Variants in DLGAP4 observed in about 807,000 individuals in gnomAD.
DLGAP4 encodes the protein disks large-associated protein 4.
A neutral mutation model predicts 86.9 loss-of-function variants in DLGAP4; 18 were observed. The ratio of observed to expected loss-of-function variants is 0.21; its 90% CI spans 0.14 to 0.31. The LOEUF is 0.31. DLGAP4 is among the 10% of genes least tolerant of loss of function. DLGAP4 has a pLI of 1.00. For synonymous variants in DLGAP4, 548 were observed against 574.3 expected, an observed-to-expected ratio of 0.95 and a Z score of 0.65; for missense variants, 1,085 against 1,362.6, an observed-to-expected ratio of 0.80 and a Z score of 3.21.
intron 7 of DLGAP4, among the ~76,000 whole-genome samples, chr20:36,489,613 A>G (rs2035569602): frequency 6.6e-6 from 1 of 151,936 alleles, no homozygotes; most frequent in African/African-American, 2.4e-5. Context: ...AAACAGTGAC[A>G]TGATTGGATT....
rs985264042 is a variant in DLGAP4 at position 36,505,851 on chromosome 20, C to T, written c.2512+5240C>T. 6.6e-5 allele frequency among the ~76,000 whole-genome samples: 10 copies of T among 152,168 alleles called. No individual in the cohort carries two copies. In the East Asian group the frequency reaches 1.9e-3, roughly 29 times the overall value. On this transcript the variant is annotated intron_variant, in intron 10 of 12. Transcript: ENST00000339266. Reference sequence around the variant, plus strand: ...AGCAGAAGTGGATCGTCATAAAGGTCTTCCTCCTTGTCTCCACATTGAGTA... The same window carrying T: ...AGCAGAAGTGGATCGTCATAAAGGTTTTCCTCCTTGTCTCCACATTGAGTA...
Position 36,430,498 on chromosome 20 carries a change from G to T in DLGAP4, c.-72-1148G>T, listed in dbSNP as rs1488539680. Among the ~76,000 whole-genome samples, 4 of 152,118 alleles carry T rather than the reference G, an allele frequency of 2.6e-5. No homozygotes were observed. In the East Asian group the frequency reaches 7.7e-4, roughly 29 times the overall value. On this transcript the variant is annotated intron_variant, in intron 2 of 12. Coordinates refer to ENST00000339266, the MANE Select transcript of DLGAP4 (RefSeq NM_001365621.2). Reference sequence around the variant, plus strand: ...CTGCCCTCAGACCTGGATGAGATGGGCCCTTGCCCTAGGTCCTTCTTTTTG... The same window carrying T: ...CTGCCCTCAGACCTGGATGAGATGGTCCCTTGCCCTAGGTCCTTCTTTTTG...
At chr20:36,513,875 TGG>T (rs2036878861) in intron 10 of DLGAP4, among the ~76,000 whole-genome samples, 1 of 152,160 alleles carries the variant, frequency 6.6e-6, no homozygotes, top group Non-Finnish European at 1.5e-5. Context: ...GTCAGGAGTT[TGG>T]TTTGGAACAT....
intron 7 of DLGAP4, chr20:36,461,992 A>G: frequency 1.0e-6 from 1 of 984,408 alleles, no homozygotes; most frequent in Non-Finnish European, 1.2e-6. Context: ...GAGCGCCCCC[A>G]GATCTTTTGG....
At chr20:36,422,393 A>G (rs2032854977) in intron 2 of DLGAP4, among the ~76,000 whole-genome samples, 1 of 152,170 alleles carries the variant, frequency 6.6e-6, no homozygotes, top group African/African-American at 2.4e-5. Context: ...CAAATATACA[A>G]GATATGAGTG....
At chr20:36,405,531 C>T (rs35042366) in intron 2 of DLGAP4, among the ~76,000 whole-genome samples, 6,559 of 152,082 alleles carry the variant, frequency 0.043, 452 homozygotes, top group African/African-American at 0.15. Context: ...TGGGGCGCCT[C>T]GGTGGGAGGG....
intron 10 of DLGAP4, among the ~76,000 whole-genome samples, chr20:36,505,044 G>A (rs1403386330): frequency 6.6e-6 from 1 of 150,760 alleles, no homozygotes; most frequent in Non-Finnish European, 1.5e-5. Flanking sequence ...CTGGAGTGCC[G>A]TGACGTGATC....
intron 1 of DLGAP4, among the ~76,000 whole-genome samples, chr20:36,352,710 G>A (rs150024445): frequency 8.6e-4 from 131 of 152,246 alleles, no homozygotes; most frequent in Non-Finnish European, 1.6e-3. Flanking sequence ...AGGCCCAGCA[G>A]GCAGTGCTGC....
intron 10 of DLGAP4, 97 bp from the exon 11 acceptor site, chr20:36,524,153 A>AC: frequency 2.2e-6 from 2 of 907,722 alleles, no homozygotes; most frequent in Non-Finnish European, 3.7e-6. Context: ...AATGAGTTCT[A>AC]CCCTAAGGGA....
intron 1 of DLGAP4, among the ~76,000 whole-genome samples, chr20:36,346,549 A>G (rs1324792014): frequency 6.6e-6 from 1 of 152,086 alleles, no homozygotes; most frequent in East Asian, 1.9e-4. Flanking sequence ...GGCAGGAAAA[A>G]CAGGTTGTGC....
At chr20:36,399,722 G>A (rs1385401530) in intron 2 of DLGAP4, among the ~76,000 whole-genome samples, 1 of 152,192 alleles carries the variant, frequency 6.6e-6, no homozygotes, top group African/African-American at 2.4e-5. Flanking sequence ...AATTCCAGTG[G>A]GTTGCATAGA....
intron 1 of DLGAP4, among the ~76,000 whole-genome samples, chr20:36,309,867 G>A (rs2065037214): frequency 6.6e-6 from 1 of 152,252 alleles, no homozygotes; most frequent in Non-Finnish European, 1.5e-5. Context: ...AGTCAAACCT[G>A]TGAGGACCCC....
chr20:36,463,547 C>T (rs2034197752), intron 7 of DLGAP4, among the ~76,000 whole-genome samples: 1 of 152,214 alleles, frequency 6.6e-6, no homozygotes, highest in African/African-American at 2.4e-5. Flanking sequence ...AGGGAGACGG[C>T]TGTTTCTTAA....
At chr20:36,482,331 G>A (rs971080684) in intron 7 of DLGAP4, among the ~76,000 whole-genome samples, 2 of 152,194 alleles carry the variant, frequency 1.3e-5, no homozygotes, top group Non-Finnish European at 2.9e-5. Context: ...ATGACAGTTG[G>A]TGAAAGCCGG....
intron 1 of DLGAP4, among the ~76,000 whole-genome samples, chr20:36,315,368 G>A (rs1349074378): frequency 6.6e-6 from 1 of 151,964 alleles, no homozygotes; most frequent in Admixed American, 6.6e-5. Context: ...GGGACAGCAC[G>A]GAGAGCCATG....
chr20:36,427,974 C>A (rs956813581), intron 2 of DLGAP4, among the ~76,000 whole-genome samples: 6 of 151,962 alleles, frequency 3.9e-5, no homozygotes, highest in Non-Finnish European at 7.4e-5. Context: ...GGAAAAAAAA[C>A]TGGAAAAATA....
Position 36,527,025 on chromosome 20 carries a change from G to A in DLGAP4, c.2973G>A (p.Arg991=), listed in dbSNP as rs1362046070. ...IEIYVPEAQT[R]L is the part of the protein sequence containing the mutation. ...TTTATGTCCCGGAGGCCCAGACCAG[G>A]CTCTGAGACCATGCAGGAGGAAAGA... Residue 991 remains arginine (R), a synonymous_variant, in exon 13 of 13, where the codon AGG becomes AGA. Coordinates refer to ENST00000339266, the MANE Select transcript of DLGAP4 (RefSeq NM_001365621.2). 5.7e-6 allele frequency: 9 copies of A among 1,591,544 alleles called. No homozygotes were observed. The highest frequency in any genetic ancestry group is 7.7e-6 in the Non-Finnish European group (9 of 1,169,196).
intron 1 of DLGAP4, among the ~76,000 whole-genome samples, chr20:36,315,030 A>AT (rs2065084413): frequency 3.2e-4 from 3 of 9,518 alleles, no homozygotes; most frequent in East Asian, 6.0e-3. Context: ...GTGGTGTGAG[A>AT]TGTGTGTGTG....
At chr20:36,436,087 G>A (rs1464678914) in intron 3 of DLGAP4, 22 bp from the exon 4 acceptor site, 4 of 1,540,694 alleles carry the variant, frequency 2.6e-6, no homozygotes, top group Admixed American at 3.8e-5. Context: ...TGGCCCCACT[G>A]AGTCCTGTGC....
Sources: gnomAD v4.1 joint callset for allele counts (sites outside exome capture counted in the v4.1 genomes callset) on GRCh38, gnomAD v4.1.1 for gene constraint, MANE v1.5 for transcripts, NCBI Gene and HGNC (gene_info 2026-07-23, HGNC 2026-07-21) for gene names.